Variants in FNDC3A observed in about 807,000 individuals in gnomAD.
FNDC3A encodes the protein fibronectin type-III domain-containing protein 3A.
A neutral mutation model predicts 148.9 loss-of-function variants in FNDC3A; 32 were observed. The ratio of observed to expected loss-of-function variants is 0.21; its 90% CI spans 0.16 to 0.29. The LOEUF is 0.29. Among genes scored for constraint, FNDC3A ranks in the 10% least tolerant of loss-of-function variants. The pLI, the probability that FNDC3A is intolerant of heterozygous loss-of-function variation, is 1.00. For synonymous variants in FNDC3A, 472 were observed against 473.6 expected, an observed-to-expected ratio of 1.00 and a Z score of 0.04; for missense variants, 1,191 against 1,452.8, an observed-to-expected ratio of 0.82 and a Z score of 2.93.
At chr13:49,037,261 A>G (rs1251747504) in intron 2 of FNDC3A, among the ~76,000 whole-genome samples, 1 of 152,234 alleles carries the variant, frequency 6.6e-6, no homozygotes, top group Non-Finnish European at 1.5e-5. Flanking sequence ...TGTTCTATGC[A>G]CTTATTATAT....
chr13:49,021,859 G>A (rs1465625043), intron 2 of FNDC3A, among the ~76,000 whole-genome samples: 1 of 152,064 alleles, frequency 6.6e-6, no homozygotes, highest in African/African-American at 2.4e-5. Context: ...AGTTCTCTAT[G>A]TAATACAACA....
At chr13:49,116,619 C>T (rs1880978802) in intron 4 of FNDC3A, among the ~76,000 whole-genome samples, 1 of 152,076 alleles carries the variant, frequency 6.6e-6, no homozygotes, top group Non-Finnish European at 1.5e-5. Flanking sequence ...AACCCTGTCT[C>T]TACAAAAAAT....
intron 3 of FNDC3A, among the ~76,000 whole-genome samples, chr13:49,092,162 C>A (rs952374470): frequency 6.6e-6 from 1 of 152,220 alleles, no homozygotes; most frequent in Non-Finnish European, 1.5e-5. Context: ...TCATATGCCC[C>A]AAGTGACAGA....
At chr13:49,191,544 G>A (rs1224655849) in intron 19 of FNDC3A, among the ~76,000 whole-genome samples, 160 bp downstream of exon 19, 1 of 152,124 alleles carries the variant, frequency 6.6e-6, no homozygotes, top group African/African-American at 2.4e-5. Context: ...AGAGAAGTCG[G>A]TATATTCCAT....
Position 49,200,305 on chromosome 13 carries a change from T to C in FNDC3A, c.2988-1495T>C, listed in dbSNP as rs572998868. 2.6e-5 allele frequency among the ~76,000 whole-genome samples: 4 copies of C among 152,292 alleles called. No homozygotes were observed. The South Asian group carries it at 8.3e-4, about 32-fold the overall frequency. On this transcript the variant is annotated intron_variant, in intron 23 of 25. Coordinates refer to ENST00000492622, the MANE Select transcript of FNDC3A (RefSeq NM_001079673.2). ...CATTTAAAATAACATATGGAATAATTTTGTATACTAGTATATCACCAGTAA... is the reference window on the plus strand; with the variant it reads ...CATTTAAAATAACATATGGAATAATCTTGTATACTAGTATATCACCAGTAA...
chr13:49,160,200 C>T (rs1248617418), intron 8 of FNDC3A, among the ~76,000 whole-genome samples: 2 of 152,154 alleles, frequency 1.3e-5, no homozygotes, highest in Non-Finnish European at 2.9e-5. Flanking sequence ...ATGGTACCAG[C>T]TCCTCTTTAT....
chr13:49,124,204 A>G (rs978338629), intron 4 of FNDC3A, among the ~76,000 whole-genome samples: 3 of 152,192 alleles, frequency 2.0e-5, no homozygotes, highest in Non-Finnish European at 4.4e-5. Flanking sequence ...ACATGGATGA[A>G]GCTGGAAACC....
At chr13:49,000,388 T>C (rs181605550) in intron 1 of FNDC3A, among the ~76,000 whole-genome samples, 137 of 152,354 alleles carry the variant, frequency 9.0e-4, no homozygotes, top group Middle Eastern at 6.8e-3. Context: ...TATTTGGTCA[T>C]ATATGCTAAA....
At position 49,045,696 on chromosome 13, in the gene FNDC3A, C is replaced by T. The variant is rs900561434; in HGVS notation, c.100-29593C>T. The stretch of plus-strand genomic sequence containing the variant: ...GAGAAACAGAGAAACAACTTTGCCA[C>T]CAATAGCTTGGACCTCTTGATTTTC... On this transcript the variant is annotated intron_variant, in intron 2 of 25. Coordinates refer to ENST00000492622, the MANE Select transcript of FNDC3A (RefSeq NM_001079673.2). 14 of 1,157,582 alleles carry T rather than the reference C, an allele frequency of 1.2e-5. No homozygotes were observed. The African/African-American group carries it at 2.1e-4, about 18-fold the overall frequency. The allele number at this position is 1,157,582 out of a possible 1,614,324, so 71.7% of individuals were successfully genotyped here.
At chr13:49,069,779 A>G (rs764165356) in intron 2 of FNDC3A, among the ~76,000 whole-genome samples, 6 of 152,248 alleles carry the variant, frequency 3.9e-5, no homozygotes, top group Admixed American at 1.3e-4. Flanking sequence ...TAATTGAGGT[A>G]CACCATCAGA....
chr13:49,163,359 C>T (rs963216268), intron 8 of FNDC3A, among the ~76,000 whole-genome samples: 7 of 152,218 alleles, frequency 4.6e-5, no homozygotes, highest in Non-Finnish European at 8.8e-5. Context: ...CTCCCCCAGC[C>T]TCGCTGCCAC....
At chr13:48,975,680 A>G (rs1407113970), upstream of FNDC3A, 1 of 152,226 alleles carries the variant, frequency 6.6e-6, no homozygotes, top group Admixed American at 6.5e-5. Flanking sequence ...TGCTACCACA[A>G]GCCAGGCGCA....
intron 14 of FNDC3A, among the ~76,000 whole-genome samples, chr13:49,180,939 A>T (rs938395983): frequency 6.6e-6 from 1 of 152,118 alleles, no homozygotes. Flanking sequence ...GCCACCAGGC[A>T]TGGTAGCTCA....
chr13:49,138,157 C>A (rs760497939), intron 6 of FNDC3A, among the ~76,000 whole-genome samples: 1 of 152,144 alleles, frequency 6.6e-6, no homozygotes, highest in Non-Finnish European at 1.5e-5. Flanking sequence ...GCCTCACTAA[C>A]AAATTTCAAA....
chr13:49,160,773 C>G (rs984839198), intron 8 of FNDC3A, among the ~76,000 whole-genome samples: 1 of 151,382 alleles, frequency 6.6e-6, no homozygotes, highest in African/African-American at 2.4e-5. Context: ...ATAAATTTCC[C>G]TCTACACACT....
Position 49,113,632 on chromosome 13 carries a change from AG to A in FNDC3A, c.176-1022del, listed in dbSNP as rs142440825. 9.5e-3 allele frequency among the ~76,000 whole-genome samples: 1,442 copies of A among 152,274 alleles called. 13 individuals are homozygous for A. The highest frequency in any genetic ancestry group is 0.023 in the African/African-American group (935 of 41,546). The stretch of plus-strand genomic sequence containing the variant: ...GGTAGATTATAATTCTGCATATAAA[AG>A]AGATCCTTCCCCCTTTACATTCCTC... On this transcript the variant is annotated intron_variant, in intron 3 of 25. Coordinates refer to ENST00000492622, the MANE Select transcript of FNDC3A (RefSeq NM_001079673.2).
intron 2 of FNDC3A, among the ~76,000 whole-genome samples, chr13:49,029,798 A>G (rs1873976024): frequency 6.6e-6 from 1 of 152,238 alleles, no homozygotes; most frequent in Non-Finnish European, 1.5e-5. Flanking sequence ...CAGATCTTAC[A>G]GAAATGAAAG....
At chr13:49,081,840 T>C (rs775047740) in intron 3 of FNDC3A, among the ~76,000 whole-genome samples, 1 of 152,216 alleles carries the variant, frequency 6.6e-6, no homozygotes, top group Non-Finnish European at 1.5e-5. Context: ...GACTTTCTTA[T>C]ATACCTTTAT....
intron 4 of FNDC3A, among the ~76,000 whole-genome samples, chr13:49,119,284 A>G (rs1221636384): frequency 6.6e-6 from 1 of 152,212 alleles, no homozygotes; most frequent in African/African-American, 2.4e-5. Flanking sequence ...GAAGGAAAGT[A>G]AAAGAAAGGA....
Sources: gnomAD v4.1 joint callset for allele counts (sites outside exome capture counted in the v4.1 genomes callset) on GRCh38, gnomAD v4.1.1 for gene constraint, MANE v1.5 for transcripts, NCBI Gene and HGNC (gene_info 2026-07-23, HGNC 2026-07-21) for gene names.